Variants in SORCS3 observed in about 807,000 individuals in gnomAD.
The protein encoded by SORCS3 is VPS10 domain-containing receptor SorCS3.
A neutral mutation model predicts 146.3 loss-of-function variants in SORCS3; 57 were observed. The ratio of observed to expected loss-of-function variants is 0.39; its 90% CI spans 0.31 to 0.49. SORCS3 has a LOEUF of 0.49. SORCS3 is among the 20% of genes least tolerant of loss of function. The pLI, the probability that SORCS3 is intolerant of heterozygous loss-of-function variation, is 0.92. For synonymous variants in SORCS3, 653 were observed against 618.5 expected, an observed-to-expected ratio of 1.06 and a Z score of -0.83; for missense variants, 1,341 against 1,575.5, an observed-to-expected ratio of 0.85 and a Z score of 2.52.
At chr10:105,103,489 A>G (rs75002679) in intron 6 of SORCS3, among the ~76,000 whole-genome samples, 2,374 of 152,324 alleles carry the variant, frequency 0.016, 32 homozygotes, top group Non-Finnish European at 0.026. Flanking sequence ...TTTCCAATTC[A>G]TCATCCACAT....
In SORCS3 at chr10:105,214,574, G is replaced by A. The variant is rs2056654429; in HGVS notation, c.2508G>A (p.Glu836=). The A allele has an allele frequency of 6.2e-7, 1 of 1,606,170 alleles. No homozygotes were observed. The highest frequency in any genetic ancestry group is 8.5e-7 in the Non-Finnish European group (1 of 1,176,314). ...CGACCGATGGGCGGCTGGTGGCAGA[G>A]CAGGGGCACAATGCAACTTTCATCA... ...VVTTDGRLVA[E]QGHNATFIIL... Residue 836 remains glutamate (E), a synonymous_variant, in exon 18 of 27, where the codon GAG becomes GAA. Coordinates refer to ENST00000369701, the MANE Select transcript of SORCS3 (RefSeq NM_014978.3).
chr10:105,056,936 T>G (rs1382943007), intron 5 of SORCS3, among the ~76,000 whole-genome samples: 1 of 152,206 alleles, frequency 6.6e-6, no homozygotes, highest in East Asian at 1.9e-4. Context: ...TTTACATCTT[T>G]TAAAAAAACT....
At chr10:104,867,618 A>G (rs2018474251) in intron 2 of SORCS3, among the ~76,000 whole-genome samples, 1 of 152,096 alleles carries the variant, frequency 6.6e-6, no homozygotes. Flanking sequence ...CCAGTGTACA[A>G]TATTTAAGGA....
At position 104,987,004 on chromosome 10, in the gene SORCS3, A is replaced by C. The variant is rs916010157; in HGVS notation, c.954+9511A>C. ...AGACTTGCTTGATGTAGTTGCCACA[A>C]ACTTTAAATTTGTAAAAACCCCAAT... On this transcript the variant is annotated intron_variant, in intron 4 of 26. Transcript: ENST00000369701. Among the ~76,000 whole-genome samples the C allele has an allele frequency of 2.3e-4, 35 of 152,302 alleles. 1 individual carries two copies. Among genetic ancestry groups the C allele is most frequent in the African/African-American group, 7.9e-4 (33 of 41,566 alleles).
intron 2 of SORCS3, among the ~76,000 whole-genome samples, chr10:104,903,438 G>A (rs552625245): frequency 6.6e-6 from 1 of 152,246 alleles, no homozygotes; most frequent in East Asian, 1.9e-4. Context: ...AAAAACAATA[G>A]AAAACCAGAG....
intron 3 of SORCS3, among the ~76,000 whole-genome samples, chr10:104,952,615 A>G (rs2133627345): frequency 6.6e-6 from 1 of 152,200 alleles, no homozygotes; most frequent in East Asian, 1.9e-4. Context: ...AAGTTCTTCC[A>G]TTTTCTGCCT....
At chr10:104,678,684 A>G (rs570879190) in intron 1 of SORCS3, among the ~76,000 whole-genome samples, 1 of 152,334 alleles carries the variant, frequency 6.6e-6, no homozygotes, top group East Asian at 1.9e-4. Context: ...GTAGAGTATG[A>G]TATGCTCAAA....
chr10:104,864,720 T>C (rs1047394397), intron 2 of SORCS3, among the ~76,000 whole-genome samples: 30 of 152,174 alleles, frequency 2.0e-4, no homozygotes, highest in Admixed American at 1.3e-4. Flanking sequence ...CAAGTTTATA[T>C]AGAGAGCAAG....
intron 1 of SORCS3, among the ~76,000 whole-genome samples, chr10:104,836,440 C>G (rs1322523803): frequency 1.3e-5 from 2 of 152,018 alleles, no homozygotes; most frequent in African/African-American, 2.4e-5. Flanking sequence ...GCTGGTGTTG[C>G]GTGTGTCTGA....
Position 104,822,522 on chromosome 10 carries a change from C to T in SORCS3, c.628-20270C>T, listed in dbSNP as rs895264463. On this transcript the variant is annotated intron_variant, in intron 1 of 26. Transcript: ENST00000369701. Reference sequence around the variant, plus strand: ...ACATGAGAGAGGGCTCTTAATCATCCACCATCAGCCGCTGGAGGTTCTGCT... The same window carrying T: ...ACATGAGAGAGGGCTCTTAATCATCTACCATCAGCCGCTGGAGGTTCTGCT... 5.3e-5 allele frequency among the ~76,000 whole-genome samples: 8 copies of T among 152,116 alleles called. 1 individual carries two copies. Among genetic ancestry groups the T allele is most frequent in the Admixed American group, 2.0e-4 (3 of 15,272 alleles).
intron 9 of SORCS3, among the ~76,000 whole-genome samples, chr10:105,153,045 G>A (rs952776902): frequency 1.3e-5 from 2 of 151,964 alleles, no homozygotes; most frequent in Non-Finnish European, 2.9e-5. Flanking sequence ...TGTAAATTGT[G>A]CACAAATCAC....
At chr10:105,005,743 A>T (rs1449505596) in intron 4 of SORCS3, among the ~76,000 whole-genome samples, 1 of 151,918 alleles carries the variant, frequency 6.6e-6, no homozygotes, top group East Asian at 1.9e-4. Flanking sequence ...TCATGATCTC[A>T]TCCAGCTCTC....
intron 4 of SORCS3, among the ~76,000 whole-genome samples, chr10:105,010,840 C>T (rs1476170882): frequency 1.3e-5 from 2 of 151,882 alleles, no homozygotes; most frequent in Non-Finnish European, 1.5e-5. Context: ...GTTACAGCTG[C>T]CTTGGCTCTG....
chr10:104,871,364 A>G (rs978758292), intron 2 of SORCS3, among the ~76,000 whole-genome samples: 2 of 152,208 alleles, frequency 1.3e-5, no homozygotes, highest in African/African-American at 4.8e-5. Context: ...CTAAACTAGG[A>G]GTGCAAACCA....
intron 1 of SORCS3, among the ~76,000 whole-genome samples, chr10:104,774,763 C>T (rs185742981): frequency 9.2e-5 from 14 of 152,280 alleles, no homozygotes; most frequent in Non-Finnish European, 1.2e-4. Context: ...TAAAACTTGA[C>T]GTGCAAACTT....
chr10:105,139,707 C>T (rs900339309), intron 8 of SORCS3, among the ~76,000 whole-genome samples: 3 of 151,994 alleles, frequency 2.0e-5, no homozygotes, highest in Admixed American at 6.6e-5. Flanking sequence ...TTTCCTGTAA[C>T]TCAAAGGTCT....
intron 14 of SORCS3, among the ~76,000 whole-genome samples, chr10:105,194,663 C>A (rs1003369013): frequency 6.6e-5 from 10 of 152,030 alleles, no homozygotes; most frequent in Admixed American, 6.6e-4. Flanking sequence ...CTTTTTCAAG[C>A]AACTATTGTT....
intron 16 of SORCS3, among the ~76,000 whole-genome samples, chr10:105,209,963 C>A (rs2056624391): frequency 1.3e-5 from 2 of 152,216 alleles, no homozygotes; most frequent in African/African-American, 4.8e-5. Flanking sequence ...CCCCCAAAGA[C>A]TGAAAAACCT....
At chr10:105,024,363 C>G (rs1043921261) in intron 4 of SORCS3, among the ~76,000 whole-genome samples, 8 of 152,102 alleles carry the variant, frequency 5.3e-5, no homozygotes, top group African/African-American at 1.9e-4. Context: ...TGACTTTTGT[C>G]TCTCACTGTT....
Sources: allele counts gnomAD v4.1 joint callset (sites outside exome capture counted in the v4.1 genomes callset), GRCh38; gene constraint gnomAD v4.1.1; transcripts MANE v1.5; gene names NCBI Gene and HGNC (gene_info 2026-07-23, HGNC 2026-07-21).